CDH13: variants seen among roughly 807,000 people sequenced by gnomAD.
CDH13 encodes cadherin-13.
In CDH13, 24 loss-of-function variants were observed where a neutral mutation model predicts 63.8. The observed-to-expected ratio is 0.38, with a 90% CI of 0.27 to 0.53. The LOEUF (loss-of-function observed/expected upper bound fraction) is 0.53, where lower values mean the gene tolerates loss of function less well. Ranked by LOEUF, CDH13 falls within the 20% of genes least tolerant of loss-of-function variation. The pLI, the probability that CDH13 is intolerant of heterozygous loss-of-function variation, is 0.85. For synonymous variants in CDH13, 503 were observed against 355.3 expected (o/e 1.42, Z -4.67); for missense variants, 1,049 against 903.1 (o/e 1.16, Z -2.07).
At chr16:83,042,279 A>G (rs752209495) in intron 3 of CDH13, among the ~76,000 whole-genome samples, 7 of 152,206 alleles carry the variant, frequency 4.6e-5, no homozygotes, top group Non-Finnish European at 8.8e-5. Context: ...GCCACTCCCC[A>G]TTCCCCACAT....
At chr16:83,605,137 G>C (rs1170475695) in intron 8 of CDH13, among the ~76,000 whole-genome samples, 1 of 152,146 alleles carries the variant, frequency 6.6e-6, no homozygotes, top group Non-Finnish European at 1.5e-5. Context: ...ACCAGCAAAA[G>C]CACACACATT....
At chr16:82,736,967 C>T (rs2033705629) in intron 1 of CDH13, among the ~76,000 whole-genome samples, 1 of 152,148 alleles carries the variant, frequency 6.6e-6, no homozygotes, top group South Asian at 2.1e-4. Flanking sequence ...CTGAATATTC[C>T]TTTTCTGCCT....
chr16:83,033,663 T>G (rs181168554), intron 3 of CDH13, among the ~76,000 whole-genome samples: 1 of 152,212 alleles, frequency 6.6e-6, no homozygotes, highest in Non-Finnish European at 1.5e-5. Context: ...CCCACACATA[T>G]GCATACACTT....
At chr16:83,411,976 G>A (rs2151458143) in intron 6 of CDH13, among the ~76,000 whole-genome samples, 1 of 152,300 alleles carries the variant, frequency 6.6e-6, no homozygotes, top group African/African-American at 2.4e-5. Flanking sequence ...TCTCTGCAGG[G>A]TGCCATTGTG....
chr16:82,645,566 C>A (rs1909993720), intron 1 of CDH13, among the ~76,000 whole-genome samples: 1 of 152,202 alleles, frequency 6.6e-6, no homozygotes, highest in Non-Finnish European at 1.5e-5. Context: ...GCTCCCACCA[C>A]AAAAGGTTAT....
intron 7 of CDH13, among the ~76,000 whole-genome samples, chr16:83,487,717 G>T (rs1346736526): frequency 7.5e-5 from 11 of 146,584 alleles, no homozygotes; most frequent in African/African-American, 2.2e-4. Flanking sequence ...AGTTGTCCTT[G>T]ACCTTCTGTA....
intron 2 of CDH13, among the ~76,000 whole-genome samples, chr16:82,913,938 G>C (rs2041910963): frequency 6.6e-6 from 1 of 152,124 alleles, no homozygotes; most frequent in African/African-American, 2.4e-5. Context: ...ATTTTACTGA[G>C]AGGCAGGAGA....
chr16:82,696,884 G>A (rs1303503299), intron 1 of CDH13, among the ~76,000 whole-genome samples: 2 of 152,154 alleles, frequency 1.3e-5, no homozygotes, highest in African/African-American at 2.4e-5. Context: ...GACTGGGGCT[G>A]GAAGATCTGC....
chr16:83,078,051 A>T (rs950958930), intron 3 of CDH13, among the ~76,000 whole-genome samples: 1 of 152,092 alleles, frequency 6.6e-6, no homozygotes, highest in African/African-American at 2.4e-5. Context: ...CTAAAGTCAA[A>T]CTTGCATCCT....
intron 3 of CDH13, among the ~76,000 whole-genome samples, chr16:83,054,446 C>T (rs13333183): frequency 1.3e-5 from 2 of 152,166 alleles, no homozygotes; most frequent in Non-Finnish European, 2.9e-5. Context: ...CATAACTACA[C>T]AGCTACTGAG....
chr16:82,705,358 G>A (rs1353563182), intron 1 of CDH13: 2 of 349,216 alleles, frequency 5.7e-6, no homozygotes, highest in Non-Finnish European at 1.1e-5. Context: ...ATAACAATTA[G>A]AATTCAATAC....
chr16:83,566,287 C>A (rs928194493), intron 7 of CDH13, among the ~76,000 whole-genome samples: 1 of 152,172 alleles, frequency 6.6e-6, no homozygotes, highest in African/African-American at 2.4e-5. Flanking sequence ...CTGTTCTTCC[C>A]TTTCTTTAAC....
rs183043088 is a variant in CDH13, at chr16:83,230,431, C to A, written c.636+12934C>A. ...AAGTTCTAGATCATACTGTGTGTTC[C>A]CTGCCTGACCACCCCCGCAAGCCTC... On this transcript the variant is annotated intron_variant, in intron 5 of 13. Transcript: ENST00000567109. 7.2e-4 allele frequency among the ~76,000 whole-genome samples: 109 copies of A among 152,222 alleles called. 2 individuals carry two copies. Among genetic ancestry groups the A allele is most frequent in the Non-Finnish European group, 1.6e-4 (11 of 68,016 alleles).
rs565365805 is a variant in CDH13, at chr16:83,534,626, T to C, written c.960+47971T>C. Among the ~76,000 whole-genome samples the C allele has an allele frequency of 1.1e-3, 169 of 152,346 alleles. 1 individual carries two copies. Among genetic ancestry groups the C allele is most frequent in the African/African-American group, 4.0e-3 (166 of 41,576 alleles). On this transcript the variant is annotated intron_variant, in intron 7 of 13. Transcript: ENST00000567109. ...ATGTTGTAAGGTACGTCATAGTGTT[T>C]ACTGATCCATATGATAGCAGAGGTC...
chr16:82,668,681 G>C (rs1162035196), intron 1 of CDH13, among the ~76,000 whole-genome samples: 1 of 152,174 alleles, frequency 6.6e-6, no homozygotes, highest in Non-Finnish European at 1.5e-5. Flanking sequence ...CAAGAGTTCT[G>C]AGTGATTCTG....
At chr16:83,216,419 T>TAA (rs1567513922) in intron 4 of CDH13, among the ~76,000 whole-genome samples, 4 of 95,324 alleles carry the variant, frequency 4.2e-5, no homozygotes, top group East Asian at 3.5e-4. Context: ...TATATATATA[T>TAA]ATATATATAT....
At chr16:83,020,642 C>G (rs1031412191) in intron 2 of CDH13, among the ~76,000 whole-genome samples, 2 of 152,200 alleles carry the variant, frequency 1.3e-5, no homozygotes, top group Non-Finnish European at 2.9e-5. Flanking sequence ...GCTTTCTTTT[C>G]TCTGAACTAT....
At chr16:83,032,585 C>T (rs184840573) in intron 3 of CDH13, among the ~76,000 whole-genome samples, 5 of 152,112 alleles carry the variant, frequency 3.3e-5, no homozygotes, top group African/African-American at 4.8e-5. Flanking sequence ...GTGGAGGTCT[C>T]AGCAACTACC....
chr16:83,734,496 A>G (rs1911341246), intron 10 of CDH13, among the ~76,000 whole-genome samples: 1 of 149,456 alleles, frequency 6.7e-6, no homozygotes, highest in Non-Finnish European at 1.5e-5. Context: ...AAAACCAAAC[A>G]CCGCATGTTC....
Sources: allele counts gnomAD v4.1 joint callset (sites outside exome capture counted in the v4.1 genomes callset), GRCh38; gene constraint gnomAD v4.1.1; transcripts MANE v1.5; gene names NCBI Gene and HGNC (gene_info 2026-07-23, HGNC 2026-07-21).